The following ZNF839 variants were observed in gnomAD, a reference collection of about 807,000 sequenced individuals.
The protein encoded by ZNF839 is zinc finger protein 839.
In ZNF839, 38 loss-of-function variants were observed where a neutral mutation model predicts 56.4. The observed-to-expected ratio is 0.67, with a 90% CI of 0.52 to 0.88. The LOEUF (loss-of-function observed/expected upper bound fraction) is 0.88, where lower values mean the gene tolerates loss of function less well. Ranked by LOEUF, ZNF839 falls within the 40% of genes least tolerant of loss-of-function variation. The pLI, the probability that ZNF839 is intolerant of heterozygous loss-of-function variation, is 0.00. For synonymous variants in ZNF839, 486 were observed against 493.5 expected, an observed-to-expected ratio of 0.98 and a Z score of 0.20; for missense variants, 1,091 against 1,177.6, an observed-to-expected ratio of 0.93 and a Z score of 1.08.
upstream of ZNF839, among the ~76,000 whole-genome samples, chr14:102,318,696 G>A (rs1202999791): frequency 6.6e-6 from 1 of 151,960 alleles, no homozygotes; most frequent in East Asian, 1.9e-4. Flanking sequence ...AAAATAACAC[G>A]GAAGGGATCA....
At chr14:102,335,903 G>A (rs773721435) in intron 5 of ZNF839, 65 bp downstream of exon 5, 4 of 1,564,800 alleles carry the variant, frequency 2.6e-6, no homozygotes, top group South Asian at 1.1e-5. Flanking sequence ...GAAGGGCCAC[G>A]TGCAGTGGCT....
chr14:102,327,268 G>A (rs1300569106), intron 2 of ZNF839, among the ~76,000 whole-genome samples: 1 of 152,084 alleles, frequency 6.6e-6, no homozygotes, highest in Non-Finnish European at 1.5e-5. Context: ...AGCCTCGCAA[G>A]TAGCTGGGAT....
intron 2 of ZNF839, among the ~76,000 whole-genome samples, chr14:102,328,375 A>AAAAATATATATAT (rs1197718891): frequency 6.1e-5 from 1 of 16,348 alleles, no homozygotes; most frequent in African/African-American, 1.6e-4. Context: ...AAAAAAAAAA[A>AAAAATATATATAT]ATATATATAT....
upstream of ZNF839, among the ~76,000 whole-genome samples, chr14:102,318,547 C>T (rs554286004): frequency 2.0e-5 from 3 of 151,844 alleles, no homozygotes; most frequent in African/African-American, 7.3e-5. Context: ...GCAGGAGAAC[C>T]GCATGAACCC....
chr14:102,340,591 T>C lies in ZNF839; in HGVS notation c.1928-732T>C, dbSNP rs145317234. Among the ~76,000 whole-genome samples the C allele has an allele frequency of 2.0e-3, 311 of 152,100 alleles. 1 individual carries two copies. The highest frequency in any genetic ancestry group is 3.5e-3 in the Non-Finnish European group (240 of 67,992). ...TGCCCAGCCTGATGGTGATTCTTAATTGGGGCATGTGTTGGAACCACCTGG... is the reference window on the plus strand; with the variant it reads ...TGCCCAGCCTGATGGTGATTCTTAACTGGGGCATGTGTTGGAACCACCTGG... On this transcript the variant is annotated intron_variant, in intron 7 of 7. Coordinates refer to ENST00000442396, the MANE Select transcript of ZNF839 (RefSeq NM_018335.6).
At position 102,319,807 on chromosome 14, in the gene ZNF839, T is replaced by TGGCGGC. The variant is rs776087528; in HGVS notation, c.55_60dup (p.Gly19_Gly20dup). On this transcript the variant is annotated inframe_insertion, in exon 1 of 8. Transcript: ENST00000442396. The surrounding 1 kb of genome is among the most constrained non-coding windows in gnomAD (Gnocchi z 4.5). ...CGGAGGCTGGGGGCGGCAGCGAGGATGGCGGCGGCGGCGGCGGCCCGGCTC... is the reference window on the plus strand; with the variant it reads ...CGGAGGCTGGGGGCGGCAGCGAGGATGGCGGCGGCGGCGGCGGCGGCGGCCCGGCTC... 4.0e-5 allele frequency: 49 copies of TGGCGGC among 1,223,222 alleles called. No individual in the cohort carries two copies. The highest frequency in any genetic ancestry group is 3.1e-4 in the Middle Eastern group (1 of 3,248). The allele number at this position is 1,223,222 out of a possible 1,614,324, so 75.8% of individuals were successfully genotyped here.
chr14:102,332,783 G>A lies in ZNF839; in HGVS notation c.1416+937G>A, dbSNP rs1024470666. The stretch of plus-strand genomic sequence containing the variant: ...AAATTAGCTGGGCATGGTGGCAGGC[G>A]CCTGTAATCCCAGCCACTTGGGAGA... On this transcript the variant is annotated intron_variant, in intron 3 of 7. Coordinates refer to ENST00000442396, the MANE Select transcript of ZNF839 (RefSeq NM_018335.6). The surrounding 1 kb of genome is among the most constrained non-coding windows in gnomAD (Gnocchi z 4.9). Among the ~76,000 whole-genome samples the A allele has an allele frequency of 2.0e-5, 3 of 152,110 alleles. No individual in the cohort carries two copies. Among genetic ancestry groups the A allele is most frequent in the African/African-American group, 2.4e-5 (1 of 41,448 alleles).
chr14:102,324,111 T>C (rs1023356459), intron 1 of ZNF839, among the ~76,000 whole-genome samples: 2 of 152,020 alleles, frequency 1.3e-5, no homozygotes, highest in African/African-American at 4.8e-5. Flanking sequence ...GGCATGCAGG[T>C]TGTGCAGTAG....
rs891448913 is a variant in ZNF839, at chr14:102,331,720, A to G, written c.1290A>G (p.Ala430=). ...GATACCAAGGACCTAGAAGACGCGC[A>G]TGCTCAGAGACCCTTGCAGAGTCCC... The part of the protein sequence containing the change: ...SERYQGPRRR[A]CSETLAESRT... Residue 430 remains alanine, a synonymous_variant, in exon 3 of 8, where the codon GCA becomes GCG. Coordinates refer to ENST00000442396, the MANE Select transcript of ZNF839 (RefSeq NM_018335.6). 6 of 1,608,954 alleles carry G rather than the reference A, an allele frequency of 3.7e-6. No homozygotes were observed. Among genetic ancestry groups the G allele is most frequent in the Non-Finnish European group, 4.2e-6 (5 of 1,177,704 alleles).
At chr14:102,331,518 G>C (rs2073779311) in intron 2 of ZNF839, 104 bp from the exon 3 acceptor site, 4 of 1,006,892 alleles carry the variant, frequency 4.0e-6, no homozygotes, top group Non-Finnish European at 2.9e-6. Context: ...CCAAAGTGCT[G>C]GGATTTCAGG....
At chr14:102,318,232 G>A (rs980819937), upstream of ZNF839, among the ~76,000 whole-genome samples, 5 of 152,230 alleles carry the variant, frequency 3.3e-5, no homozygotes, top group Non-Finnish European at 7.3e-5. Flanking sequence ...CAGGGACACA[G>A]CATGGAGGAA....
chr14:102,340,370 C>A (rs991363232), intron 7 of ZNF839, among the ~76,000 whole-genome samples: 1 of 151,768 alleles, frequency 6.6e-6, no homozygotes, highest in African/African-American at 2.4e-5. Context: ...CTCCCAGGCT[C>A]AAGCAATTCT....
At chr14:102,331,422 G>A (rs2073775202) in intron 2 of ZNF839, 200 bp from the exon 3 acceptor site, 5 of 526,078 alleles carry the variant, frequency 9.5e-6, no homozygotes, top group Non-Finnish European at 1.4e-5. Context: ...CTAATTTTTT[G>A]TATTCTTAGT....
At chr14:102,321,258 G>A (rs753264775) in intron 1 of ZNF839, among the ~76,000 whole-genome samples, 2 of 152,206 alleles carry the variant, frequency 1.3e-5, no homozygotes, top group Non-Finnish European at 2.9e-5. Flanking sequence ...GTGCGGGGCC[G>A]CTCAGTTTTC....
At position 102,338,825 on chromosome 14, in the gene ZNF839, T is replaced by A; in HGVS notation, c.1669T>A (p.Ser557Thr). The A allele has an allele frequency of 1.9e-6, 3 of 1,613,848 alleles. No homozygotes were observed. The highest frequency in any genetic ancestry group is 1.7e-6 in the Non-Finnish European group (2 of 1,179,874). Residue 557 changes from serine (S) to threonine (T), a missense_variant, in exon 6 of 8, where the codon TCA (serine) becomes ACA (threonine). Ser to Thr is a moderately conservative substitution (Grantham distance 58). Coordinates refer to ENST00000442396, the MANE Select transcript of ZNF839 (RefSeq NM_018335.6). Reference protein sequence around the residue: ...LEINNDKVAESLGITEFLRKK... With the variant: ...LEINNDKVAETLGITEFLRKK... Reference sequence around the variant, plus strand: ...GCCCATTTCTTTTCAGGTTGCTGAGTCATTAGGAATCACAGAATTCCTACG... The same window carrying A: ...GCCCATTTCTTTTCAGGTTGCTGAGACATTAGGAATCACAGAATTCCTACG...
At chr14:102,335,489 C>G (rs550676778) in intron 4 of ZNF839, 200 bp from the exon 5 acceptor site, 5 of 554,708 alleles carry the variant, frequency 9.0e-6, no homozygotes, top group South Asian at 6.7e-5. Context: ...TGTTTCTTGG[C>G]CTGCTCCTCC....
chr14:102,323,867 G>GA (rs1051335298), intron 1 of ZNF839, among the ~76,000 whole-genome samples: 4 of 152,092 alleles, frequency 2.6e-5, no homozygotes, highest in Admixed American at 6.6e-5. Context: ...ATACTGCAGA[G>GA]AAAATGAACC....
chr14:102,339,344 C>T (rs1014463844), intron 7 of ZNF839, 121 bp downstream of exon 7: 1 of 1,338,370 alleles, frequency 7.5e-7, no homozygotes, highest in Non-Finnish European at 1.0e-6. Context: ...TTAAGGGGAC[C>T]CTCTGGTTTC....
rs1272830628 is a variant in ZNF839 at position 102,320,016 on chromosome 14, C to T, written c.251C>T (p.Thr84Ile). 2 of 1,181,018 alleles carry T rather than the reference C, an allele frequency of 1.7e-6. No homozygotes were observed. The highest frequency in any genetic ancestry group is 2.1e-6 in the Non-Finnish European group (2 of 955,898). 73.2% of individuals were successfully genotyped at this position (1,181,018 alleles called of 1,614,324 possible). The change falls in exon 1 of 8, where the codon ACC becomes ATC. Residue 84 changes from threonine to isoleucine, a missense_variant. Transcript: ENST00000442396. ...QQAALQRGRG[T>I]EPPRLPRLLP... ...GCCGCCCTGCAGCGGGGCCGGGGCACCGAGCCCCCGCGCCTGCCGCGCCTG... is the reference window on the plus strand; with the variant it reads ...GCCGCCCTGCAGCGGGGCCGGGGCATCGAGCCCCCGCGCCTGCCGCGCCTG...
Sources: gnomAD v4.1 joint callset for allele counts (sites outside exome capture counted in the v4.1 genomes callset) on GRCh38, gnomAD v4.1.1 for gene constraint, Gnocchi (gnomAD v3.1) non-coding constraint, MANE v1.5 for transcripts, NCBI Gene and HGNC (gene_info 2026-07-23, HGNC 2026-07-21) for gene names.